The following MID2 variants were observed in gnomAD, a reference collection of about 807,000 sequenced individuals.
The protein encoded by MID2 is probable E3 ubiquitin-protein ligase MID2.
Under a neutral mutation model 46.1 loss-of-function variants are expected in MID2, and 13 were observed. That is an observed-to-expected ratio of 0.28 (90% confidence interval 0.18 to 0.45). The LOEUF (loss-of-function observed/expected upper bound fraction) is 0.45, where lower values mean the gene tolerates loss of function less well. Among genes scored for constraint, MID2 ranks in the 20% least tolerant of loss-of-function variants. The pLI, the probability that MID2 is intolerant of heterozygous loss-of-function variation, is 1.00. For synonymous variants in MID2, 199 were observed against 212.3 expected, an observed-to-expected ratio of 0.94 and a Z score of 0.55; for missense variants, 431 against 575.4, an observed-to-expected ratio of 0.75 and a Z score of 2.57.
intron 3 of MID2, among the ~76,000 whole-genome samples, chrX:107,873,062 C>T (rs1035575752): frequency 9.0e-6 from 1 of 111,307 alleles, no homozygotes; most frequent in Admixed American, 9.5e-5. Flanking sequence ...GTACTGTATG[C>T]CTAGTGCCTT....
chrX:107,919,418 C>A (rs935183914), intron 7 of MID2, among the ~76,000 whole-genome samples: 1 of 111,682 alleles, frequency 9.0e-6, no homozygotes, highest in African/African-American at 3.3e-5. Flanking sequence ...TTAAAGTAAA[C>A]CACAGCAACC....
intron 7 of MID2, 98 bp downstream of exon 7, chrX:107,917,837 A>G: frequency 1.4e-6 from 1 of 728,279 alleles, no homozygotes; most frequent in Admixed American, 2.8e-5. Context: ...ATGGGTAACA[A>G]GCAAGTTGTA....
chrX:107,839,721 T>C (rs779145494), intron 1 of MID2, among the ~76,000 whole-genome samples: 16 of 112,079 alleles, frequency 1.4e-4, no homozygotes, highest in Non-Finnish European at 2.8e-4. Flanking sequence ...TTACCAGATC[T>C]TAAAATTTCT....
chrX:107,908,251 T>C (rs925703003), intron 5 of MID2, among the ~76,000 whole-genome samples: 2 of 112,342 alleles, frequency 1.8e-5, no homozygotes, highest in African/African-American at 6.5e-5. Context: ...TTGGACTTTT[T>C]TTCTGCCACT....
At chrX:107,907,197 C>T (rs181432456) in intron 5 of MID2, among the ~76,000 whole-genome samples, 22 of 112,392 alleles carry the variant, frequency 2.0e-4, no homozygotes, top group African/African-American at 6.8e-4. Flanking sequence ...GTTGGTACTA[C>T]TGCATCACAA....
At chrX:107,845,491 T>C (rs1334475695) in intron 2 of MID2, among the ~76,000 whole-genome samples, 1 of 85,656 alleles carries the variant, frequency 1.2e-5, no homozygotes, top group Non-Finnish European at 2.1e-5. Flanking sequence ...CATGGGAAAG[T>C]AACACACACA....
intron 2 of MID2, among the ~76,000 whole-genome samples, chrX:107,851,201 T>A (rs375737990): frequency 9.0e-6 from 1 of 111,263 alleles, no homozygotes; most frequent in Non-Finnish European, 1.9e-5. Flanking sequence ...ACTACAGAGT[T>A]ATTATATTCA....
chrX:107,915,374 TG>T (rs1393570056), intron 5 of MID2, among the ~76,000 whole-genome samples: 11 of 111,568 alleles, frequency 9.9e-5, no homozygotes, highest in Non-Finnish European at 1.9e-4. Flanking sequence ...CTGGCCAACT[TG>T]GCAAAATCCC....
In MID2 at chrX:107,841,172, G is replaced by A. The variant is rs376601333; in HGVS notation, c.507G>A (p.Thr169=). 2.5e-5 allele frequency: 30 copies of A among 1,208,905 alleles called. No individual in the cohort carries two copies. Among genetic ancestry groups the A allele is most frequent in the Admixed American group, 1.1e-4 (5 of 45,722 alleles). The part of the protein sequence containing the change: ...VSYCDRCLRA[T]HPNKKPFTSH... ...ACTGTGACCGTTGCCTGCGGGCCACGCACCCCAACAAGAAACCTTTCACCA... is the reference window on the plus strand; with the variant it reads ...ACTGTGACCGTTGCCTGCGGGCCACACACCCCAACAAGAAACCTTTCACCA... Residue 169 remains threonine, a synonymous_variant, in exon 2 of 10, where the codon ACG becomes ACA. Transcript: ENST00000262843.
intron 3 of MID2, among the ~76,000 whole-genome samples, chrX:107,898,091 C>T (rs1210509784): frequency 9.0e-6 from 1 of 111,265 alleles, no homozygotes; most frequent in Non-Finnish European, 1.9e-5. Context: ...TGTTGTGTCC[C>T]CCTCCCAGTT....
At chrX:107,896,812 T>TCACACACA (rs755737344) in intron 3 of MID2, among the ~76,000 whole-genome samples, 1 of 107,536 alleles carries the variant, frequency 9.3e-6, no homozygotes, top group Non-Finnish European at 1.9e-5. Context: ...TCTCTCTCTC[T>TCACACACA]CACACACACA....
chrX:107,870,753 C>CTTTT (rs59717985), intron 3 of MID2, among the ~76,000 whole-genome samples: 1,093 of 74,139 alleles, frequency 0.015, 33 homozygotes, highest in African/African-American at 0.05. Context: ...CAAATTGCGG[C>CTTTT]TTTTTTTTTT....
intron 3 of MID2, among the ~76,000 whole-genome samples, chrX:107,886,664 T>C (rs1283273993): frequency 8.9e-6 from 1 of 112,022 alleles, no homozygotes; most frequent in Non-Finnish European, 1.9e-5. Context: ...GTGAAGAAGG[T>C]CATTGGTAGC....
chrX:107,874,733 CAAG>C (rs1932160313), intron 3 of MID2, among the ~76,000 whole-genome samples: 1 of 111,690 alleles, frequency 9.0e-6, no homozygotes, highest in African/African-American at 3.3e-5. Flanking sequence ...TCACCATACC[CAAG>C]TATCCATAGT....
chrX:107,846,261 A>G (rs1931475171), intron 2 of MID2, among the ~76,000 whole-genome samples: 1 of 111,798 alleles, frequency 8.9e-6, no homozygotes, highest in Non-Finnish European at 1.9e-5. Context: ...GGGTTACCAT[A>G]GGTGAGGGAA....
intron 6 of MID2, 80 bp downstream of exon 6, chrX:107,916,209 A>G (rs1438827552): frequency 2.5e-6 from 2 of 791,665 alleles, no homozygotes; most frequent in Non-Finnish European, 3.4e-6. Context: ...TTTGAAAAAG[A>G]CAATATTTAT....
chrX:107,922,355 C>T (rs1933088321), intron 7 of MID2, among the ~76,000 whole-genome samples: 1 of 112,278 alleles, frequency 8.9e-6, no homozygotes, highest in Non-Finnish European at 1.9e-5. Context: ...TTTCCTCCCA[C>T]CCCCACTACA....
chrX:107,911,207 A>G (rs750952685), intron 5 of MID2, among the ~76,000 whole-genome samples: 1 of 110,353 alleles, frequency 9.1e-6, no homozygotes, highest in Non-Finnish European at 1.9e-5. Flanking sequence ...AATCTTTCTA[A>G]TCTAAAGACT....
At chrX:107,896,954 G>A (rs1401277276) in intron 3 of MID2, among the ~76,000 whole-genome samples, 1 of 110,971 alleles carries the variant, frequency 9.0e-6, no homozygotes, top group African/African-American at 3.3e-5. Context: ...ATGTTTTCTC[G>A]GTTTCTTCTA....
Sources: gnomAD v4.1 joint callset for allele counts (sites outside exome capture counted in the v4.1 genomes callset) on GRCh38, gnomAD v4.1.1 for gene constraint, MANE v1.5 for transcripts, NCBI Gene and HGNC (gene_info 2026-07-23, HGNC 2026-07-21) for gene names.